BLCAP: variants seen among roughly 807,000 people sequenced by gnomAD.
The protein encoded by BLCAP is apoptosis inducing factor BLCAP.
In BLCAP, 1 loss-of-function variant was observed where a neutral mutation model predicts 5.7. The observed-to-expected ratio is 0.18, with a 90% CI of 0.06 to 0.83. BLCAP has a LOEUF of 0.83. Ranked by LOEUF, BLCAP falls within the 40% of genes least tolerant of loss-of-function variation. The probability of loss-of-function intolerance (pLI) is 0.71; values close to 1 mark genes in which losing one functional copy is unlikely to be tolerated. For synonymous variants in BLCAP, 48 were observed against 49.4 expected, an observed-to-expected ratio of 0.97 and a Z score of 0.11; for missense variants, 66 against 107.6, an observed-to-expected ratio of 0.61 and a Z score of 1.71.
At chr20:37,522,279 T>TA in intron 1 of BLCAP, 1 of 1,150,190 alleles carries the variant, frequency 8.7e-7, no homozygotes. Flanking sequence ...TAAAATCATT[T>TA]ACCCTAAAAG....
chr20:37,517,738 C>T lies in BLCAP; in HGVS notation c.*1173G>A, dbSNP rs1020029632. 1 of 152,604 alleles carries T rather than the reference C, an allele frequency of 6.6e-6. No homozygotes were observed. The highest frequency in any genetic ancestry group is 6.5e-5 in the Admixed American group (1 of 15,278). 9.5% of individuals were successfully genotyped at this position (152,604 alleles called of 1,614,324 possible). A position where few individuals can be genotyped will look rare whatever the true frequency, so the allele number is the denominator to read the frequency against. ...CAGTCACAAAGTCTTCCTGGGTATTCTTCATAATGTACAGTCTATATGCGC... is the reference window on the plus strand; with the variant it reads ...CAGTCACAAAGTCTTCCTGGGTATTTTTCATAATGTACAGTCTATATGCGC... On this transcript the variant is annotated 3_prime_UTR_variant, in exon 2 of 2. Coordinates refer to ENST00000373537, the MANE Select transcript of BLCAP (RefSeq NM_006698.4).
At chr20:37,522,539 G>GC (rs1568685861) in intron 1 of BLCAP, 1 of 1,119,700 alleles carries the variant, frequency 8.9e-7, no homozygotes, top group Admixed American at 2.5e-5. Flanking sequence ...CTGCGCCCGC[G>GC]CCCGCCTCTC....
intron 1 of BLCAP, chr20:37,522,598 G>GGGGGGGGGGGGGGGGGGGGCCCC: frequency 5.8e-6 from 5 of 864,260 alleles, no homozygotes; most frequent in Non-Finnish European, 8.6e-6. Context: ...GCGGGGGTGG[G>GGGGGGGGGGGGGGGGGGGGCCCC]CACGGCAGCA....
intron 1 of BLCAP, among the ~76,000 whole-genome samples, chr20:37,519,616 T>C (rs2071502489): frequency 6.6e-6 from 1 of 152,150 alleles, no homozygotes. Flanking sequence ...GGGAGAGGGC[T>C]CTTTGGCACG....
chr20:37,521,462 C>A lies in BLCAP; in HGVS notation c.-176-2112G>T, dbSNP rs533272936. On this transcript the variant is annotated intron_variant, in intron 1 of 1. Coordinates refer to ENST00000373537, the MANE Select transcript of BLCAP (RefSeq NM_006698.4). The surrounding 1 kb of genome is among the most constrained non-coding windows in gnomAD (Gnocchi z 4.5). Reference sequence around the variant, plus strand: ...TCCCAACTCGCGCCCCTAGAACCCGCAAGACTGCGTCGCGATTGCCGCTTC... The same window carrying A: ...TCCCAACTCGCGCCCCTAGAACCCGAAAGACTGCGTCGCGATTGCCGCTTC... 23 of 1,529,796 alleles carry A rather than the reference C, an allele frequency of 1.5e-5. No individual in the cohort carries two copies. The East Asian group carries it at 4.5e-4, about 30-fold the overall frequency. The allele number at this position is 1,529,796 out of a possible 1,614,324, so 94.8% of individuals were successfully genotyped here. A position where few individuals can be genotyped will look rare whatever the true frequency, so the allele number is the denominator to read the frequency against.
At position 37,521,424 on chromosome 20, in the gene BLCAP, G is replaced by T; in HGVS notation, c.-176-2074C>A. 6.2e-7 allele frequency: 1 copy of T among 1,612,780 alleles called. No homozygotes were observed. The highest frequency in any genetic ancestry group is 8.5e-7 in the Non-Finnish European group (1 of 1,178,756). ...TGCAGGTAAGTCTGACGGGGTTTCG[G>T]GTGGGAGAGGGTTCCCAACTCGCGC... On this transcript the variant is annotated intron_variant, in intron 1 of 1. Coordinates refer to ENST00000373537, the MANE Select transcript of BLCAP (RefSeq NM_006698.4). This position sits in a 1 kb window ranked among gnomAD's most constrained non-coding sequence, Gnocchi z 4.5.
At chr20:37,525,608 T>C (rs2071705193) in intron 1 of BLCAP, among the ~76,000 whole-genome samples, 1 of 152,230 alleles carries the variant, frequency 6.6e-6, no homozygotes, top group Non-Finnish European at 1.5e-5. Flanking sequence ...AAACTTCATG[T>C]TCTGGCAGCA....
At chr20:37,524,142 C>CA (rs2071680977) in intron 1 of BLCAP, among the ~76,000 whole-genome samples, 1 of 152,154 alleles carries the variant, frequency 6.6e-6, no homozygotes, top group African/African-American at 2.4e-5. Context: ...GAGTAGTGGG[C>CA]AGGGTGGACA....
At position 37,521,473 on chromosome 20, in the gene BLCAP, C is replaced by T; in HGVS notation, c.-176-2123G>A. 2.1e-6 allele frequency: 3 copies of T among 1,447,272 alleles called. No homozygotes were observed. Among genetic ancestry groups the T allele is most frequent in the East Asian group, 2.3e-5 (1 of 44,094 alleles). 89.7% of individuals were successfully genotyped at this position (1,447,272 alleles called of 1,614,324 possible). On this transcript the variant is annotated intron_variant, in intron 1 of 1. Transcript: ENST00000373537. This position sits in a 1 kb window ranked among gnomAD's most constrained non-coding sequence, Gnocchi z 4.5. Reference sequence around the variant, plus strand: ...GCCCCTAGAACCCGCAAGACTGCGTCGCGATTGCCGCTTCCCGGACCCGTC... The same window carrying T: ...GCCCCTAGAACCCGCAAGACTGCGTTGCGATTGCCGCTTCCCGGACCCGTC...
intron 1 of BLCAP, chr20:37,522,706 T>C (rs2071628373): frequency 5.0e-6 from 8 of 1,611,920 alleles, no homozygotes; most frequent in Non-Finnish European, 6.8e-6. Context: ...ATACACGGTG[T>C]CGCGGACCGG....
At chr20:37,522,598 G>GGGGCCC in intron 1 of BLCAP, 9 of 864,190 alleles carry the variant, frequency 1.0e-5, no homozygotes, top group East Asian at 4.6e-5. Flanking sequence ...GCGGGGGTGG[G>GGGGCCC]CACGGCAGCA....
chr20:37,525,260 C>T (rs1253098115), intron 1 of BLCAP, among the ~76,000 whole-genome samples: 1 of 152,188 alleles, frequency 6.6e-6, no homozygotes, highest in East Asian at 1.9e-4. Flanking sequence ...GAGGGGTATG[C>T]CCATAGCCCC....
intron 1 of BLCAP, among the ~76,000 whole-genome samples, chr20:37,524,868 A>T (rs1045436966): frequency 5.3e-5 from 8 of 152,186 alleles, no homozygotes; most frequent in African/African-American, 1.4e-4. Context: ...GGGAACCTGG[A>T]CATGTCACCT....
At chr20:37,522,855 CCT>C (rs2071635826) in intron 1 of BLCAP, 1 of 1,134,050 alleles carries the variant, frequency 8.8e-7, no homozygotes, top group East Asian at 2.6e-5. Flanking sequence ...TGTGGGGTCC[CCT>C]GTGTTCCCTC....
intron 1 of BLCAP, among the ~76,000 whole-genome samples, chr20:37,523,922 T>C (rs1442268575): frequency 6.6e-6 from 1 of 152,202 alleles, no homozygotes; most frequent in Non-Finnish European, 1.5e-5. Flanking sequence ...CTTGTGGTCC[T>C]GGAATAAGGG....
At position 37,526,278 on chromosome 20, in the gene BLCAP, C is replaced by G. The variant is rs1293855107; in HGVS notation, c.-177+1515G>C. ...CTGAATTTGCAGTTAACTTCCCCCC[C>G]CCACCGCCCCCACCCCCCCTCAGAG... On this transcript the variant is annotated intron_variant, in intron 1 of 1. Transcript: ENST00000373537. Among the ~76,000 whole-genome samples, 7 of 148,302 alleles carry G rather than the reference C, an allele frequency of 4.7e-5. No homozygotes were observed. In the East Asian group the frequency reaches 1.2e-3, roughly 25 times the overall value.
intron 1 of BLCAP, among the ~76,000 whole-genome samples, chr20:37,527,354 C>T (rs1478064187): frequency 6.7e-6 from 1 of 149,890 alleles, no homozygotes; most frequent in Non-Finnish European, 1.5e-5. Flanking sequence ...CCCACGTCCC[C>T]CCACCTCCCC....
Sources: allele counts gnomAD v4.1 joint callset (sites outside exome capture counted in the v4.1 genomes callset), GRCh38; gene constraint gnomAD v4.1.1; non-coding constraint Gnocchi (gnomAD v3.1); transcripts MANE v1.5; gene names NCBI Gene and HGNC (gene_info 2026-07-23, HGNC 2026-07-21).